SLC36A1: variants seen among roughly 807,000 people sequenced by gnomAD.
The protein encoded by SLC36A1 is proton-coupled amino acid transporter 1.
Under a neutral mutation model 47.5 loss-of-function variants are expected in SLC36A1, and 30 were observed. That is an observed-to-expected ratio of 0.63 (90% CI 0.47 to 0.86). SLC36A1 has a LOEUF of 0.86. Ranked by LOEUF, SLC36A1 falls within the 40% of genes least tolerant of loss-of-function variation. The pLI, the probability that SLC36A1 is intolerant of heterozygous loss-of-function variation, is 0.00. For missense variants in SLC36A1, 517 were observed against 606.0 expected, an observed-to-expected ratio of 0.85 and a Z score of 1.54; for synonymous variants, 255 against 249.7, an observed-to-expected ratio of 1.02 and a Z score of -0.20.
chr5:151,418,398 G>A, the SLC36A1 span, among the ~76,000 whole-genome samples: 1 of 152,342 alleles, frequency 6.6e-6, no homozygotes, highest in South Asian at 2.1e-4. Flanking sequence ...GCAGCCAGGA[G>A]GGGGACTGTA....
chr5:151,546,186 G>T, the SLC36A1 span: 1 of 1,614,154 alleles, frequency 6.2e-7, no homozygotes, highest in South Asian at 1.1e-5. Context: ...AGACATGAAT[G>T]ATCACTGTAG....
chr5:151,497,500 C>T, the SLC36A1 span, among the ~76,000 whole-genome samples: 2 of 152,148 alleles, frequency 1.3e-5, no homozygotes, highest in Non-Finnish European at 2.9e-5. Flanking sequence ...TTCACTCACC[C>T]TGATATTTAC....
At chr5:151,418,862 A>G in the SLC36A1 span, among the ~76,000 whole-genome samples, 1 of 152,188 alleles carries the variant, frequency 6.6e-6, no homozygotes, top group Admixed American at 6.5e-5. Flanking sequence ...GTCCCAACCC[A>G]GATCTCATCC....
At chr5:151,506,039 T>C in the SLC36A1 span, 1 of 1,563,648 alleles carries the variant, frequency 6.4e-7, no homozygotes, top group Non-Finnish European at 8.6e-7. Context: ...AGTGGGGGTA[T>C]TCCCAGCGTT....
the SLC36A1 span, among the ~76,000 whole-genome samples, chr5:151,367,008 TA>T: frequency 6.6e-6 from 1 of 151,892 alleles, no homozygotes; most frequent in African/African-American, 2.4e-5. Context: ...GCAGAACCAC[TA>T]ATAAGGGTCT....
chr5:151,537,923 A>C, the SLC36A1 span: 1 of 1,614,208 alleles, frequency 6.2e-7, no homozygotes, highest in African/African-American at 1.3e-5. Flanking sequence ...ATACATCTTC[A>C]TGAACCTTGC....
the SLC36A1 span, chr5:151,542,691 C>T: frequency 6.2e-7 from 1 of 1,614,236 alleles, no homozygotes; most frequent in South Asian, 1.1e-5. Flanking sequence ...CTGAGGTCCC[C>T]ACTGGCATAT....
the SLC36A1 span, chr5:151,380,831 G>A: frequency 2.1e-6 from 1 of 486,058 alleles, no homozygotes; most frequent in East Asian, 5.2e-5. Flanking sequence ...GGCAGCAGCA[G>A]ACCCACTGCC....
chr5:151,515,056 A>T, the SLC36A1 span, among the ~76,000 whole-genome samples: 1 of 152,094 alleles, frequency 6.6e-6, no homozygotes, highest in Non-Finnish European at 1.5e-5. Context: ...CTTTTCCGCA[A>T]AATTTCACCC....
At position 151,453,206 on chromosome 5, in the gene SLC36A1, A is replaced by C. The variant is rs199542100; in HGVS notation, c.-6+5393A>C. Among the ~76,000 whole-genome samples, 90 of 151,944 alleles carry C rather than the reference A, an allele frequency of 5.9e-4. 1 individual carries two copies. In the Middle Eastern group the frequency reaches 0.01, roughly 17 times the overall value. ...GCAACAAGAATGAAACTCCATCTCC[A>C]ATAAATAAATTAAAATAAATAAATA... is the stretch of plus-strand genomic sequence containing the variant. On this transcript the variant is annotated intron_variant, in intron 1 of 10. Transcript: ENST00000243389.
chr5:151,421,443 A>G, the SLC36A1 span, among the ~76,000 whole-genome samples: 2 of 148,254 alleles, frequency 1.3e-5, no homozygotes, highest in African/African-American at 2.5e-5. Context: ...GGGTTTCAGC[A>G]TGGTGCCCAG....
intron 10 of SLC36A1, among the ~76,000 whole-genome samples, chr5:151,485,947 A>G (rs147402910): frequency 2.4e-4 from 36 of 152,330 alleles, no homozygotes; most frequent in Non-Finnish European, 3.8e-4. Context: ...GTCCGTGGCT[A>G]TGTTGGACAG....
At chr5:151,503,071 TA>T in the SLC36A1 span, among the ~76,000 whole-genome samples, 1 of 147,988 alleles carries the variant, frequency 6.8e-6, no homozygotes, top group African/African-American at 2.7e-5. Flanking sequence ...TGCCAGGGGT[TA>T]GGGGGCAGGA....
chr5:151,513,167 G>A, the SLC36A1 span, among the ~76,000 whole-genome samples: 3 of 152,230 alleles, frequency 2.0e-5, no homozygotes, highest in African/African-American at 7.2e-5. Flanking sequence ...AAGTAAATAT[G>A]AGAAGCCAGC....
At chr5:151,487,400 G>C (rs1355202420) in intron 10 of SLC36A1, among the ~76,000 whole-genome samples, 1 of 151,084 alleles carries the variant, frequency 6.6e-6, no homozygotes, top group Non-Finnish European at 1.5e-5. Flanking sequence ...TCCTGTCACA[G>C]AGATACGGTC....
At chr5:151,356,110 G>A in the SLC36A1 span, among the ~76,000 whole-genome samples, 1 of 151,814 alleles carries the variant, frequency 6.6e-6, no homozygotes, top group African/African-American at 2.4e-5. Flanking sequence ...AGGCTGAGGT[G>A]GGTGGATCAC....
chr5:151,551,685 G>A, the SLC36A1 span: 3 of 1,497,350 alleles, frequency 2.0e-6, no homozygotes, highest in Non-Finnish European at 1.8e-6. Context: ...TTGGTTGTCA[G>A]GCTCAGAGGA....
At chr5:151,467,972 A>G (rs751397000) in intron 7 of SLC36A1, 47 bp downstream of exon 7, 44 of 1,556,656 alleles carry the variant, frequency 2.8e-5, no homozygotes, top group Non-Finnish European at 3.7e-5. Context: ...ATATTTTAAA[A>G]AAGCCAGGCG....
the SLC36A1 span, among the ~76,000 whole-genome samples, chr5:151,420,471 C>G: frequency 6.6e-6 from 1 of 152,170 alleles, no homozygotes; most frequent in African/African-American, 2.4e-5. Context: ...TCCCAGAGAC[C>G]ATGCACACTG....
Sources: allele counts gnomAD v4.1 joint callset (sites outside exome capture counted in the v4.1 genomes callset), GRCh38; gene constraint gnomAD v4.1.1; transcripts MANE v1.5; gene names NCBI Gene and HGNC (gene_info 2026-07-23, HGNC 2026-07-21).